The following LRIT2 variants were observed in gnomAD, a reference collection of about 807,000 sequenced individuals.
LRIT2 encodes leucine-rich repeat, immunoglobulin-like domain and transmembrane domain-containing protein 2.
In LRIT2, 23 loss-of-function variants were observed where a neutral mutation model predicts 22.4. The ratio of observed to expected loss-of-function variants is 1.03; its 90% CI spans 0.74 to 1.45. The LOEUF is 1.45. Ranked by LOEUF, LRIT2 falls within the 40% of genes most tolerant of loss-of-function variation. LRIT2 has a pLI of 0.00. For missense variants in LRIT2, 784 were observed against 665.6 expected (o/e 1.18, Z -1.96); for synonymous variants, 291 against 267.1 (o/e 1.09, Z -0.87).
At position 84,222,593 on chromosome 10, in the gene LRIT2, C is replaced by A; in HGVS notation, c.980G>T (p.Cys327Phe). The A allele has an allele frequency of 6.2e-7, 1 of 1,614,036 alleles. No individual in the cohort carries two copies. Among genetic ancestry groups the A allele is most frequent in the Non-Finnish European group, 8.5e-7 (1 of 1,179,986 alleles). The part of the protein sequence containing the change: ...AHLVDSGNYT[C>F]MASNSIGKSN... The stretch of plus-strand genomic sequence containing the variant: ...CTTGCCAATGGAGTTGGAGGCCATG[C>A]AGGTGTAATTACCACTGTCTACCAG... Residue 327 changes from cysteine (C) to phenylalanine (F), a missense_variant, in exon 3 of 3, where the codon TGC (cysteine) becomes TTC (phenylalanine). Coordinates refer to ENST00000372113, the MANE Select transcript of LRIT2 (RefSeq NM_001017924.5).
Position 84,224,319 on chromosome 10 carries a change from T to A in LRIT2, c.892+14A>T. Reference sequence around the variant, plus strand: ...ATTCCCTCCAGATACACTGAGAGGGTGCATGTGGCTTACCATCAAATTCTC... The same window carrying A: ...ATTCCCTCCAGATACACTGAGAGGGAGCATGTGGCTTACCATCAAATTCTC... On this transcript the variant is annotated intron_variant, in intron 2 of 2. Coordinates refer to ENST00000372113, the MANE Select transcript of LRIT2 (RefSeq NM_001017924.5). 6.2e-7 allele frequency: 1 copy of A among 1,600,750 alleles called. No individual in the cohort carries two copies. The highest frequency in any genetic ancestry group is 8.5e-7 in the Non-Finnish European group (1 of 1,172,952).
At chr10:84,225,371 A>C in intron 1 of LRIT2, 40 bp downstream of exon 1, 5 of 1,592,184 alleles carry the variant, frequency 3.1e-6, no homozygotes, top group Non-Finnish European at 4.3e-6. Context: ...AAGAAAACCC[A>C]TTCCCCATAA....
chr10:84,224,892 C>T lies in LRIT2; in HGVS notation c.333G>A (p.Glu111=), dbSNP rs1227073728. 1 of 1,614,038 alleles carries T rather than the reference C, an allele frequency of 6.2e-7. No homozygotes were observed. The highest frequency in any genetic ancestry group is 8.5e-7 in the Non-Finnish European group (1 of 1,180,046). The change falls in exon 2 of 3, where the codon GAG becomes GAA. Residue 111 remains glutamate, a synonymous_variant. Coordinates refer to ENST00000372113, the MANE Select transcript of LRIT2 (RefSeq NM_001017924.5). ...HLPELRELRL[E]GNKLCSVPWT... ...ATGGTACTGAGCAGAGCTTGTTCCC[C>T]TCCAGTCTCAGCTCCCTCAGTTCTG...
At position 84,220,810 on chromosome 10, in the gene LRIT2, T is replaced by C. The variant is rs1842495382; in HGVS notation, c.*1110A>G. 1 of 152,104 alleles carries C rather than the reference T, an allele frequency of 6.6e-6. No homozygotes were observed. The highest frequency in any genetic ancestry group is 1.9e-4 in the East Asian group (1 of 5,194). The allele number at this position is 152,104 out of a possible 1,614,324, so 9.4% of individuals were successfully genotyped here. Reference sequence around the variant, plus strand: ...ACTTGAGAGAGGCCTAAAAGGATGATTAGGAATGGGTAAAAAAGGTGGGAA... The same window carrying C: ...ACTTGAGAGAGGCCTAAAAGGATGACTAGGAATGGGTAAAAAAGGTGGGAA... On this transcript the variant is annotated 3_prime_UTR_variant, in exon 3 of 3. Coordinates refer to ENST00000372113, the MANE Select transcript of LRIT2 (RefSeq NM_001017924.5).
Position 84,224,645 on chromosome 10 carries a change from C to T in LRIT2, c.580G>A (p.Val194Met), listed in dbSNP as rs1206522782. The T allele has an allele frequency of 6.2e-7, 1 of 1,614,114 alleles. No homozygotes were observed. The highest frequency in any genetic ancestry group is 8.5e-7 in the Non-Finnish European group (1 of 1,179,980). The change falls in exon 2 of 3, where the codon GTG (valine) becomes ATG (methionine). Residue 194 changes from valine to methionine, a missense_variant. Transcript: ENST00000372113. ...CAGGGGTTGTCATGCAGGGCCACCACCAGGCTGGAGAGAATCTCAGCCCCA... is the reference window on the plus strand; with the variant it reads ...CAGGGGTTGTCATGCAGGGCCACCATCAGGCTGGAGAGAATCTCAGCCCCA... ...DCGAEILSSLVVALHDNPWVC... is the reference protein window; with the variant it reads ...DCGAEILSSLMVALHDNPWVC...
intron 1 of LRIT2, 118 bp from the exon 2 acceptor site, chr10:84,225,232 A>G: frequency 8.1e-7 from 1 of 1,235,166 alleles, no homozygotes; most frequent in Non-Finnish European, 1.1e-6. Flanking sequence ...TCATTGAAAT[A>G]AAAGAGTTAG....
intron 2 of LRIT2, 140 bp from the exon 3 acceptor site, chr10:84,222,820 C>G: frequency 1.1e-6 from 1 of 941,542 alleles, no homozygotes; most frequent in South Asian, 1.4e-5. Context: ...CTCTTATGAA[C>G]CTCGTACCTG....
intron 2 of LRIT2, 193 bp from the exon 3 acceptor site, chr10:84,222,873 C>G (rs1214567098): frequency 1.4e-6 from 1 of 716,192 alleles, no homozygotes; most frequent in African/African-American, 1.7e-5. Context: ...AGATAAATAA[C>G]TGATCTTTAC....
Position 84,224,619 on chromosome 10 carries a change from C to A in LRIT2, c.606G>T (p.Trp202Cys). The change falls in exon 2 of 3, where the codon TGG becomes TGT. Residue 202 changes from tryptophan to cysteine, a missense_variant. Physicochemically the swap from Trp to Cys is radical, Grantham distance 215. Transcript: ENST00000372113. ...SLVVALHDNP[W>C]VCDCRLRGLV... ...GCCCCCTTAGGCGACAGTCACATACCCAGGGGTTGTCATGCAGGGCCACCA... is the reference window on the plus strand; with the variant it reads ...GCCCCCTTAGGCGACAGTCACATACACAGGGGTTGTCATGCAGGGCCACCA... 6.2e-7 allele frequency: 1 copy of A among 1,613,898 alleles called. No individual in the cohort carries two copies.
chr10:84,224,158 T>C (rs139364767), intron 2 of LRIT2, among the ~76,000 whole-genome samples, 175 bp downstream of exon 2: 12 of 152,378 alleles, frequency 7.9e-5, no homozygotes, highest in African/African-American at 2.9e-4. Flanking sequence ...ATGCCAATAG[T>C]GGAACACTAC....
rs1215269014 is a variant in LRIT2, at chr10:84,221,303, A to C, written c.*617T>G. 1 of 152,260 alleles carries C rather than the reference A, an allele frequency of 6.6e-6. No individual in the cohort carries two copies. The highest frequency in any genetic ancestry group is 1.5e-5 in the Non-Finnish European group (1 of 68,058). The allele number at this position is 152,260 out of a possible 1,614,324, so 9.4% of individuals were successfully genotyped here. On this transcript the variant is annotated 3_prime_UTR_variant, in exon 3 of 3. Transcript: ENST00000372113. ...TTACCCAACAGCTCTCATCACCCTG[A>C]TGGGCAGCTCTTTGGAACATCACAT...
In LRIT2 at chr10:84,224,471, T is replaced by C; in HGVS notation, c.754A>G (p.Lys252Glu). The C allele has an allele frequency of 1.2e-6, 2 of 1,614,232 alleles. No individual in the cohort carries two copies. Among genetic ancestry groups the C allele is most frequent in the Non-Finnish European group, 1.7e-6 (2 of 1,180,040 alleles). The change falls in exon 2 of 3, where the codon AAG (lysine) becomes GAG (glutamate). Residue 252 changes from lysine to glutamate, a missense_variant. Transcript: ENST00000372113. ...FHETELSACMKPQISTPSANI... is the reference protein window; with the variant it reads ...FHETELSACMEPQISTPSANI... The stretch of plus-strand genomic sequence containing the variant: ...GCACTGGGGGTTGAGATCTGTGGCT[T>C]CATGCAAGCACTAAGCTCAGTTTCA...
At chr10:84,223,399 C>T (rs1188279241) in intron 2 of LRIT2, among the ~76,000 whole-genome samples, 1 of 151,496 alleles carries the variant, frequency 6.6e-6, no homozygotes. Flanking sequence ...AAAGAGGCTA[C>T]AACAATAAAT....
Position 84,222,534 on chromosome 10 carries a change from C to A in LRIT2, c.1039G>T (p.Ala347Ser), listed in dbSNP as rs762298572. 6.2e-7 allele frequency: 1 copy of A among 1,614,024 alleles called. No individual in the cohort carries two copies. Among genetic ancestry groups the A allele is most frequent in the African/African-American group, 1.3e-5 (1 of 74,998 alleles). Reference sequence around the variant, plus strand: ...GAATCAGGTGCATGTAGGGCCTGGGCAGGCTGGACATGGAGAGAGATTACA... The same window carrying A: ...GAATCAGGTGCATGTAGGGCCTGGGAAGGCTGGACATGGAGAGAGATTACA... ...NLVISLHVQP[A>S]QALHAPDSLS... The change falls in exon 3 of 3, where the codon GCC becomes TCC. Residue 347 changes from alanine to serine, a missense_variant. Ala to Ser is a moderately conservative substitution (Grantham distance 99, BLOSUM62 1). Transcript: ENST00000372113.
rs1358228815 is a variant in LRIT2, at chr10:84,225,005, A to G, written c.220T>C (p.Ser74Pro). Residue 74 changes from serine to proline, a missense_variant, in exon 2 of 3, where the codon TCT becomes CCT. Coordinates refer to ENST00000372113, the MANE Select transcript of LRIT2 (RefSeq NM_001017924.5). ...NSPLFEMPQG[S>P]FINMSTLEYL... ...TCCAAGGTGCTCATGTTGATGAAAGACCCTTGGGGCATCTCAAATAAGGGT... is the reference window on the plus strand; with the variant it reads ...TCCAAGGTGCTCATGTTGATGAAAGGCCCTTGGGGCATCTCAAATAAGGGT... 6.2e-7 allele frequency: 1 copy of G among 1,613,912 alleles called. No homozygotes were observed. The highest frequency in any genetic ancestry group is 2.2e-5 in the East Asian group (1 of 44,858).
rs777489982 is a variant in LRIT2, at chr10:84,224,624, G to A, written c.601C>T (p.Pro201Ser). The A allele has an allele frequency of 6.2e-7, 1 of 1,614,020 alleles. No individual in the cohort carries two copies. The highest frequency in any genetic ancestry group is 1.1e-5 in the South Asian group (1 of 91,064). Residue 201 changes from proline (P) to serine (S), a missense_variant, in exon 2 of 3, where the codon CCC becomes TCC. By Grantham distance (74) the Pro-to-Ser change is moderately conservative. Transcript: ENST00000372113. ...SSLVVALHDN[P>S]WVCDCRLRGL... ...CTTAGGCGACAGTCACATACCCAGGGGTTGTCATGCAGGGCCACCACCAGG... is the reference window on the plus strand; with the variant it reads ...CTTAGGCGACAGTCACATACCCAGGAGTTGTCATGCAGGGCCACCACCAGG...
At position 84,224,811 on chromosome 10, in the gene LRIT2, C is replaced by T; in HGVS notation, c.414G>A (p.Lys138=). 1.2e-6 allele frequency: 2 copies of T among 1,614,022 alleles called. No homozygotes were observed. The highest frequency in any genetic ancestry group is 1.7e-6 in the Non-Finnish European group (2 of 1,179,996). ...LLRVLDLKRN[K]IDALPELALQ... ...GAGCCAGCTCAGGGAGTGCATCAAT[C>T]TTGTTGCGTTTGAGATCCAAGACCC... The change falls in exon 2 of 3, where the codon AAG becomes AAA. Residue 138 remains lysine (K), a synonymous_variant. Coordinates refer to ENST00000372113, the MANE Select transcript of LRIT2 (RefSeq NM_001017924.5).
rs754238474 is a variant in LRIT2 at position 84,222,394 on chromosome 10, C to T, written c.1179G>A (p.Trp393Ter). The change falls in exon 3 of 3, where the codon TGG becomes TGA. Residue 393 changes from tryptophan (W) to a stop codon, truncating the protein, a stop_gained. Coordinates refer to ENST00000372113, the MANE Select transcript of LRIT2 (RefSeq NM_001017924.5). LOFTEE classifies it low-confidence loss of function (END_TRUNC). ...CATCCGATGCAATGTAGAGGGTGAA[C>T]CACTCCTCCTTAGAGGTGTCAGCCA... ...LAVADTSKEE[W>*]FTLYIASDEA... 6.2e-7 allele frequency: 1 copy of T among 1,614,110 alleles called. No homozygotes were observed. Among genetic ancestry groups the T allele is most frequent in the Non-Finnish European group, 8.5e-7 (1 of 1,180,028 alleles).
chr10:84,220,684 T>C lies in LRIT2; in HGVS notation c.*1236A>G, dbSNP rs1352495269. 6.6e-6 allele frequency: 1 copy of C among 152,200 alleles called. No individual in the cohort carries two copies. The highest frequency in any genetic ancestry group is 1.5e-5 in the Non-Finnish European group (1 of 68,032). The allele number at this position is 152,200 out of a possible 1,614,324, so 9.4% of individuals were successfully genotyped here. On this transcript the variant is annotated 3_prime_UTR_variant, in exon 3 of 3. Coordinates refer to ENST00000372113, the MANE Select transcript of LRIT2 (RefSeq NM_001017924.5). ...GGCCACCGTGAGGAAGGTCAGTCTTTGCCTGCAAATGTCTCACAACCAATG... is the reference window on the plus strand; with the variant it reads ...GGCCACCGTGAGGAAGGTCAGTCTTCGCCTGCAAATGTCTCACAACCAATG...
Sources: gnomAD v4.1 joint callset for allele counts (sites outside exome capture counted in the v4.1 genomes callset) on GRCh38, gnomAD v4.1.1 for gene constraint, MANE v1.5 for transcripts, NCBI Gene and HGNC (gene_info 2026-07-23, HGNC 2026-07-21) for gene names.